Variants in IGSF21 observed in about 807,000 individuals in gnomAD.
IGSF21 encodes the protein immunoglobin superfamily member 21, also known as immunoglobulin superfamily member 21.
IGSF21 carries 28 observed loss-of-function variants against 46.8 expected under a neutral mutation model. The observed-to-expected ratio is 0.60, with a 90% CI of 0.44 to 0.82. The LOEUF (loss-of-function observed/expected upper bound fraction) is 0.82. Ranked by LOEUF, IGSF21 falls within the 40% of genes least tolerant of loss-of-function variation. IGSF21 has a pLI of 0.00. For missense variants in IGSF21, 624 were observed against 665.5 expected (o/e 0.94, Z 0.69); for synonymous variants, 284 against 273.6 (o/e 1.04, Z -0.38).
At chr1:18,135,404 C>T (rs1274469245) in intron 1 of IGSF21, among the ~76,000 whole-genome samples, 1 of 137,760 alleles carries the variant, frequency 7.3e-6, no homozygotes, top group Admixed American at 7.3e-5. Flanking sequence ...AATGCTATCC[C>T]TCCCCCCTCC....
chr1:18,196,742 G>T (rs967863853), intron 1 of IGSF21, among the ~76,000 whole-genome samples: 5 of 152,182 alleles, frequency 3.3e-5, no homozygotes, highest in African/African-American at 1.2e-4. Flanking sequence ...CTTGCCCAAG[G>T]TCACAACCCT....
intron 1 of IGSF21, among the ~76,000 whole-genome samples, chr1:18,129,095 C>G (rs1274646528): frequency 6.6e-6 from 1 of 152,122 alleles, no homozygotes; most frequent in Non-Finnish European, 1.5e-5. Flanking sequence ...AGCTGAGGAG[C>G]AACAGTAAGT....
intron 2 of IGSF21, among the ~76,000 whole-genome samples, chr1:18,232,487 A>G (rs939636387): frequency 3.3e-5 from 5 of 152,194 alleles, no homozygotes; most frequent in African/African-American, 7.2e-5. Context: ...TTTCATTTTC[A>G]TATTTTCACT....
At chr1:18,197,664 G>T (rs1456232126) in intron 1 of IGSF21, among the ~76,000 whole-genome samples, 2 of 152,198 alleles carry the variant, frequency 1.3e-5, no homozygotes, top group Non-Finnish European at 2.9e-5. Flanking sequence ...GGCTCTGGAG[G>T]CAGCCTGTGG....
intron 2 of IGSF21, among the ~76,000 whole-genome samples, chr1:18,235,833 C>T (rs2084667901): frequency 6.6e-6 from 1 of 152,106 alleles, no homozygotes; most frequent in Non-Finnish European, 1.5e-5. Context: ...GAGAAACTGG[C>T]AGCAGAGGGG....
intron 3 of IGSF21, among the ~76,000 whole-genome samples, chr1:18,305,488 T>TGCATGGATGATG (rs1553162222): frequency 0.014 from 723 of 50,416 alleles, 8 homozygotes; most frequent in African/African-American, 0.025. Flanking sequence ...GATGGATGGA[T>TGCATGGATGATG]GATGGATGGA....
intron 2 of IGSF21, among the ~76,000 whole-genome samples, chr1:18,271,100 C>T (rs1453612826): frequency 3.3e-5 from 5 of 152,126 alleles, no homozygotes; most frequent in African/African-American, 4.8e-5. Context: ...GACAGCTGCT[C>T]GCAGAGCTAT....
intron 1 of IGSF21, among the ~76,000 whole-genome samples, chr1:18,225,083 T>TCACACA (rs1309548249): frequency 9.1e-5 from 5 of 54,904 alleles, no homozygotes; most frequent in African/African-American, 2.9e-4. Context: ...TCTCTCTCTC[T>TCACACA]CTCACACACA....
chr1:18,292,361 C>T (rs1174669773), intron 3 of IGSF21, among the ~76,000 whole-genome samples: 1 of 152,250 alleles, frequency 6.6e-6, no homozygotes, highest in Admixed American at 6.5e-5. Context: ...AGCAGTTCTG[C>T]CCGGCTTGGA....
chr1:18,312,130 C>T (rs2085494622), intron 3 of IGSF21, among the ~76,000 whole-genome samples: 1 of 152,198 alleles, frequency 6.6e-6, no homozygotes. Context: ...CTCTTGTCTC[C>T]CTCTTGCACT....
chr1:18,198,230 A>T (rs2087028992), intron 1 of IGSF21, among the ~76,000 whole-genome samples: 1 of 152,212 alleles, frequency 6.6e-6, no homozygotes, highest in African/African-American at 2.4e-5. Flanking sequence ...ATACCAGAGT[A>T]AGAGCCCACT....
At chr1:18,250,250 G>A (rs1158475589) in intron 2 of IGSF21, among the ~76,000 whole-genome samples, 2 of 151,870 alleles carry the variant, frequency 1.3e-5, no homozygotes, top group African/African-American at 2.4e-5. Flanking sequence ...TGTGTCTTCA[G>A]CATCAGTTTG....
chr1:18,325,750 T>A (rs1040787661), intron 3 of IGSF21, among the ~76,000 whole-genome samples: 1 of 152,138 alleles, frequency 6.6e-6, no homozygotes, highest in Non-Finnish European at 1.5e-5. Context: ...TTCCTGCCTG[T>A]CTCCATCTGT....
At chr1:18,194,272 T>A (rs1207441798) in intron 1 of IGSF21, among the ~76,000 whole-genome samples, 1 of 152,216 alleles carries the variant, frequency 6.6e-6, no homozygotes, top group East Asian at 1.9e-4. Flanking sequence ...TTCATGCAGG[T>A]ACCATGTGCA....
At chr1:18,232,900 T>C (rs1223374351) in intron 2 of IGSF21, among the ~76,000 whole-genome samples, 3 of 152,130 alleles carry the variant, frequency 2.0e-5, no homozygotes, top group Non-Finnish European at 4.4e-5. Flanking sequence ...GTGGGGAGTG[T>C]GGGTCTTTGG....
intron 1 of IGSF21, among the ~76,000 whole-genome samples, chr1:18,196,333 G>A (rs573095438): frequency 1.3e-5 from 2 of 152,266 alleles, no homozygotes; most frequent in African/African-American, 4.8e-5. Flanking sequence ...CGTTGAGCTG[G>A]ATTCTGTATT....
intron 2 of IGSF21, among the ~76,000 whole-genome samples, chr1:18,258,209 C>G (rs1040535717): frequency 2.6e-5 from 4 of 152,182 alleles, no homozygotes; most frequent in South Asian, 2.1e-4. Flanking sequence ...GGGTTCCCTT[C>G]TTTGCACTGG....
At chr1:18,292,037 G>A in intron 3 of IGSF21, 50 bp downstream of exon 3, 1 of 1,585,098 alleles carries the variant, frequency 6.3e-7, no homozygotes, top group Non-Finnish European at 8.6e-7. Context: ...GCGGAGGGAT[G>A]GGGAGTGGGG....
intron 1 of IGSF21, among the ~76,000 whole-genome samples, chr1:18,223,675 G>A (rs2084534126): frequency 6.6e-6 from 1 of 152,214 alleles, no homozygotes; most frequent in Admixed American, 6.5e-5. Flanking sequence ...ATTCCAGAAG[G>A]AGAGGCAGAT....
Sources: gnomAD v4.1 joint callset for allele counts (sites outside exome capture counted in the v4.1 genomes callset) on GRCh38, gnomAD v4.1.1 for gene constraint, MANE v1.5 for transcripts, NCBI Gene and HGNC (gene_info 2026-07-23, HGNC 2026-07-21) for gene names.